Variants in CAMTA1 observed in about 807,000 individuals in gnomAD.
CAMTA1 encodes the protein calmodulin-binding transcription activator 1.
In CAMTA1, 27 loss-of-function variants were observed where a neutral mutation model predicts 170.9. That is an observed-to-expected ratio of 0.16 (90% CI 0.12 to 0.22). CAMTA1 has a LOEUF of 0.22. Among genes scored for constraint, CAMTA1 ranks in the 10% least tolerant of loss-of-function variants. The pLI is 1.00. For synonymous variants in CAMTA1, 833 were observed against 891.5 expected (o/e 0.93, Z 1.17); for missense variants, 1,619 against 2,217.2 (o/e 0.73, Z 5.42).
chr1:7,074,119 C>T (rs1215600289), intron 3 of CAMTA1, among the ~76,000 whole-genome samples: 1 of 152,118 alleles, frequency 6.6e-6, no homozygotes, highest in Non-Finnish European at 1.5e-5. Context: ...ATCTCTGTTA[C>T]TTTACCCTCC....
chr1:7,621,713 G>A (rs956813035), intron 6 of CAMTA1, among the ~76,000 whole-genome samples: 4 of 152,208 alleles, frequency 2.6e-5, no homozygotes, highest in African/African-American at 7.2e-5. Context: ...TGCAGTGCTC[G>A]CCCTTCTGGA....
chr1:7,168,334 T>TA, intron 4 of CAMTA1, among the ~76,000 whole-genome samples: 1 of 152,348 alleles, frequency 6.6e-6, no homozygotes, highest in East Asian at 1.9e-4. Context: ...TTCTTATTCT[T>TA]GCATTACTGA....
At chr1:7,446,093 G>A (rs999338819) in intron 5 of CAMTA1, among the ~76,000 whole-genome samples, 8 of 151,516 alleles carry the variant, frequency 5.3e-5, no homozygotes, top group Non-Finnish European at 1.2e-4. Context: ...TCCTCCGCCC[G>A]CCGCTCACCT....
At chr1:7,416,166 G>A (rs1027471140) in intron 5 of CAMTA1, among the ~76,000 whole-genome samples, 47 of 152,082 alleles carry the variant, frequency 3.1e-4, no homozygotes, top group Non-Finnish European at 5.7e-4. Context: ...TGGGTAACCC[G>A]ACCTTTCTCT....
At chr1:7,289,935 CA>C (rs1464097201) in intron 5 of CAMTA1, among the ~76,000 whole-genome samples, 1 of 152,160 alleles carries the variant, frequency 6.6e-6, no homozygotes, top group African/African-American at 2.4e-5. Flanking sequence ...TGGTCTTTAC[CA>C]ACACCTTAAT....
rs767406525 is a variant in CAMTA1, at chr1:6,899,537, AAC to A, written c.234+74328_234+74329del. On this transcript the variant is annotated intron_variant, in intron 3 of 22. Transcript: ENST00000303635. ...CGCTGTTAAAAAATTATATGTGTATAACGCGCACGCGCGCGCGCACACACACA... is the reference window on the plus strand; with the variant it reads ...CGCTGTTAAAAAATTATATGTGTATAGCGCACGCGCGCGCGCACACACACA... 7.6e-3 allele frequency among the ~76,000 whole-genome samples: 976 copies of A among 128,526 alleles called. 9 individuals are homozygous for A. Among genetic ancestry groups the A allele is most frequent in the African/African-American group, 0.027 (912 of 33,818 alleles). 84.3% of individuals were successfully genotyped at this position (128,526 alleles called of 152,430 possible). A position where few individuals can be genotyped will look rare whatever the true frequency, so the allele number is the denominator to read the frequency against.
intron 4 of CAMTA1, among the ~76,000 whole-genome samples, chr1:7,139,386 G>T (rs1374807996): frequency 6.7e-6 from 1 of 148,752 alleles, no homozygotes; most frequent in African/African-American, 2.5e-5. Flanking sequence ...ATATCTCAAA[G>T]ATCTTTCTAT....
chr1:6,788,324 C>T (rs957851474), intron 1 of CAMTA1, among the ~76,000 whole-genome samples: 2 of 152,162 alleles, frequency 1.3e-5, no homozygotes, highest in African/African-American at 2.4e-5. Context: ...GCCTTTAAAA[C>T]TGTTCTAGCT....
chr1:7,333,574 C>T lies in CAMTA1; in HGVS notation c.438+83948C>T, dbSNP rs1004051702. On this transcript the variant is annotated intron_variant, in intron 5 of 22. Transcript: ENST00000303635. This position sits in a 1 kb window ranked among gnomAD's most constrained non-coding sequence, Gnocchi z 4.4. ...AGGCATTGGATCTTCATATTGGATC[C>T]AGGAAGACAACTTTGTGAAAGGAAA... is the stretch of plus-strand genomic sequence containing the variant. 1.3e-5 allele frequency among the ~76,000 whole-genome samples: 2 copies of T among 152,186 alleles called. No homozygotes were observed. Among genetic ancestry groups the T allele is most frequent in the Admixed American group, 1.3e-4 (2 of 15,280 alleles).
intron 4 of CAMTA1, among the ~76,000 whole-genome samples, chr1:7,181,359 C>T (rs750887250): frequency 1.3e-5 from 2 of 152,184 alleles, no homozygotes; most frequent in Non-Finnish European, 2.9e-5. Context: ...ATCTCTGCTA[C>T]TATCCCACAA....
At chr1:7,599,484 T>C (rs989347295) in intron 6 of CAMTA1, among the ~76,000 whole-genome samples, 15 of 152,224 alleles carry the variant, frequency 9.9e-5, no homozygotes, top group Admixed American at 9.8e-4. Context: ...AAGAAAGTCA[T>C]TGGTAGCTTG....
chr1:6,818,186 A>C (rs1646055514), intron 1 of CAMTA1, among the ~76,000 whole-genome samples: 1 of 152,072 alleles, frequency 6.6e-6, no homozygotes, highest in African/African-American at 2.4e-5. Flanking sequence ...AAAATACACA[A>C]ATTAGCCAGG....
chr1:7,500,155 T>C (rs2093969017), intron 6 of CAMTA1, among the ~76,000 whole-genome samples: 1 of 146,704 alleles, frequency 6.8e-6, no homozygotes. Context: ...TGTGTGTGCA[T>C]GTGTGTACAT....
intron 22 of CAMTA1, among the ~76,000 whole-genome samples, chr1:7,758,444 T>C (rs964251975): frequency 5.3e-5 from 8 of 152,196 alleles, no homozygotes; most frequent in African/African-American, 1.7e-4. Flanking sequence ...CCTGGTGATA[T>C]TTAGCTAACT....
At chr1:7,485,816 C>G (rs2093610549) in intron 6 of CAMTA1, among the ~76,000 whole-genome samples, 1 of 152,248 alleles carries the variant, frequency 6.6e-6, no homozygotes, top group African/African-American at 2.4e-5. Flanking sequence ...ACCCCAACTT[C>G]CTGACTGCAT....
At chr1:7,177,478 A>ACACACACTGAAGCCCCTCC (rs1651131995) in intron 4 of CAMTA1, among the ~76,000 whole-genome samples, 2 of 64,074 alleles carry the variant, frequency 3.1e-5, no homozygotes, top group Non-Finnish European at 6.0e-5. Context: ...AGGCCCCCCC[A>ACACACACTGAAGCCCCTCC]CACACACTGA....
At chr1:7,330,036 C>T (rs2082924784) in intron 5 of CAMTA1, among the ~76,000 whole-genome samples, 1 of 152,138 alleles carries the variant, frequency 6.6e-6, no homozygotes, top group African/African-American at 2.4e-5. Flanking sequence ...TCTTTCTTCC[C>T]CAACACTTTC....
intron 4 of CAMTA1, among the ~76,000 whole-genome samples, chr1:7,172,309 C>A (rs145282984): frequency 3.1e-4 from 47 of 152,252 alleles, no homozygotes; most frequent in Admixed American, 1.3e-3. Context: ...GCCACCACGC[C>A]CAGCTAATTT....
At chr1:7,453,906 G>A (rs188494067) in intron 5 of CAMTA1, among the ~76,000 whole-genome samples, 561 of 152,390 alleles carry the variant, frequency 3.7e-3, no homozygotes, top group African/African-American at 0.013. Flanking sequence ...ACCTGGAGGT[G>A]CATCCACTGT....
Sources: gnomAD v4.1 joint callset for allele counts (sites outside exome capture counted in the v4.1 genomes callset) on GRCh38, gnomAD v4.1.1 for gene constraint, Gnocchi (gnomAD v3.1) non-coding constraint, MANE v1.5 for transcripts, NCBI Gene and HGNC (gene_info 2026-07-23, HGNC 2026-07-21) for gene names.